The following CASD1 variants were observed in gnomAD, a reference collection of about 807,000 sequenced individuals.
CASD1 encodes N-acetylneuraminate (7)9-O-acetyltransferase.
A neutral mutation model predicts 100.0 loss-of-function variants in CASD1; 41 were observed. That is an observed-to-expected ratio of 0.41 (90% confidence interval 0.32 to 0.53). The LOEUF (loss-of-function observed/expected upper bound fraction) is 0.53, where lower values mean the gene tolerates loss of function less well. Ranked by LOEUF, CASD1 falls within the 20% of genes least tolerant of loss-of-function variation. CASD1 has a pLI of 0.25. For missense variants in CASD1, 774 were observed against 948.7 expected (o/e 0.82, Z 2.42); for synonymous variants, 321 against 315.6 (o/e 1.02, Z -0.18).
chr7:94,595,629 A>G, the CASD1 span, among the ~76,000 whole-genome samples: 17 of 152,278 alleles, frequency 1.1e-4, no homozygotes, highest in Middle Eastern at 3.4e-3. Context: ...ATTCAATTCA[A>G]TCCAAATGAC....
At chr7:94,605,989 C>A in the CASD1 span, among the ~76,000 whole-genome samples, 5 of 151,938 alleles carry the variant, frequency 3.3e-5, no homozygotes, top group Non-Finnish European at 5.9e-5. Context: ...CCACCACACC[C>A]AGCTAATTTT....
At chr7:94,567,061 C>G in the CASD1 span, among the ~76,000 whole-genome samples, 1 of 152,080 alleles carries the variant, frequency 6.6e-6, no homozygotes, top group Non-Finnish European at 1.5e-5. Context: ...GTGTTACACA[C>G]TTTCACATTT....
chr7:94,586,949 G>T, the CASD1 span: 1 of 974,768 alleles, frequency 1.0e-6, no homozygotes, highest in South Asian at 4.7e-5. Context: ...ACAACCAAGA[G>T]GAGATACTGT....
chr7:94,629,833 T>C, the CASD1 span: 5 of 1,610,500 alleles, frequency 3.1e-6, no homozygotes, highest in Non-Finnish European at 4.2e-6. Context: ...TTGGAGAAAA[T>C]ACTGTACACT....
In CASD1 at chr7:94,552,417, C is replaced by T; in HGVS notation, c.2024C>T (p.Ser675Phe). The change falls in exon 16 of 18, where the codon TCT (serine) becomes TTT (phenylalanine). Residue 675 changes from serine (S) to phenylalanine (F), a missense_variant. This residue lies in a region of CASD1 where 175 missense variants were observed against 206.9 expected (regional missense o/e 0.85). Transcript: ENST00000297273. Reference protein sequence around the residue: ...AECNELHPSVSVVQILAFILI... With the variant: ...AECNELHPSVFVVQILAFILI... The stretch of plus-strand genomic sequence containing the variant: ...TGCAATGAACTCCATCCGTCTGTTT[C>T]TGTGGTACAGGTACTATCTTGATTT... 6.2e-7 allele frequency: 1 copy of T among 1,608,162 alleles called. No individual in the cohort carries two copies.
rs1793601274 is a variant in CASD1, at chr7:94,509,934, G to A, written c.-151G>A. 9.4e-6 allele frequency: 11 copies of A among 1,166,374 alleles called. No individual in the cohort carries two copies. The highest frequency in any genetic ancestry group is 1.1e-5 in the Non-Finnish European group (10 of 939,890). 72.3% of individuals were successfully genotyped at this position (1,166,374 alleles called of 1,614,324 possible). A position where few individuals can be genotyped will look rare whatever the true frequency, so the allele number is the denominator to read the frequency against. On this transcript the variant is annotated 5_prime_UTR_variant, in exon 1 of 18. Coordinates refer to ENST00000297273, the MANE Select transcript of CASD1 (RefSeq NM_022900.5). The stretch of plus-strand genomic sequence containing the variant: ...CGGAGGTCGGGGGCGCCGCGGCCGC[G>A]GGGTCAGGTTCCCCGGCGGGAGGCG...
chr7:94,618,752 G>A, the CASD1 span: 6 of 1,610,434 alleles, frequency 3.7e-6, no homozygotes, highest in Admixed American at 1.0e-4. Context: ...ATAAAGATCT[G>A]CTTACCCCTC....
At chr7:94,632,730 T>G in the CASD1 span, among the ~76,000 whole-genome samples, 1 of 152,126 alleles carries the variant, frequency 6.6e-6, no homozygotes, top group Admixed American at 6.6e-5. Context: ...CTTTCGCATT[T>G]GTTACTTGCA....
rs1793593985 is a variant in CASD1, at chr7:94,509,866, T to TG, written c.-213dup. The TG allele has an allele frequency of 9.9e-7, 1 of 1,013,228 alleles. No individual in the cohort carries two copies. The highest frequency in any genetic ancestry group is 1.2e-6 in the Non-Finnish European group (1 of 847,246). 62.8% of individuals were successfully genotyped at this position (1,013,228 alleles called of 1,614,324 possible). ...CACGGCGGAGCAGCGGCGGCGGGGC[T>TG]GGGGGGAGGCCGCCGAGTCGGCCGC... On this transcript the variant is annotated 5_prime_UTR_variant, in exon 1 of 18. Coordinates refer to ENST00000297273, the MANE Select transcript of CASD1 (RefSeq NM_022900.5).
At chr7:94,530,202 A>C (rs1794778839) in intron 5 of CASD1, among the ~76,000 whole-genome samples, 1 of 152,194 alleles carries the variant, frequency 6.6e-6, no homozygotes, top group South Asian at 2.1e-4. Context: ...TTTTCAGATA[A>C]AGTGGTCTTG....
chr7:94,569,633 G>A, the CASD1 span, among the ~76,000 whole-genome samples: 18 of 151,518 alleles, frequency 1.2e-4, no homozygotes, highest in Admixed American at 2.0e-4. Flanking sequence ...TGTATAGATA[G>A]GAGTCTATCT....
At chr7:94,628,155 C>CACACAT in the CASD1 span, 1 of 1,440,116 alleles carries the variant, frequency 6.9e-7, no homozygotes, top group African/African-American at 1.4e-5. Flanking sequence ...CACACACACA[C>CACACAT]ACACACACAT....
the CASD1 span, among the ~76,000 whole-genome samples, chr7:94,604,674 G>T: frequency 2.0e-5 from 3 of 151,114 alleles, no homozygotes; most frequent in African/African-American, 7.3e-5. Context: ...GGAAAAACTG[G>T]ATATCCACAT....
At chr7:94,518,758 A>G (rs1794100885) in intron 3 of CASD1, among the ~76,000 whole-genome samples, 1 of 152,050 alleles carries the variant, frequency 6.6e-6, no homozygotes, top group Non-Finnish European at 1.5e-5. Flanking sequence ...ATTCACCATT[A>G]TATAATCAAC....
chr7:94,631,325 A>G, the CASD1 span, among the ~76,000 whole-genome samples: 3 of 151,674 alleles, frequency 2.0e-5, no homozygotes, highest in Non-Finnish European at 4.4e-5. Flanking sequence ...GTTTGATACC[A>G]CAATGTACCC....
the CASD1 span, among the ~76,000 whole-genome samples, chr7:94,614,958 CAG>C: frequency 6.6e-6 from 1 of 152,098 alleles, no homozygotes; most frequent in Non-Finnish European, 1.5e-5. Flanking sequence ...AAAATTGATA[CAG>C]GTTTCCAATT....
At chr7:94,623,628 CAGAA>C in the CASD1 span, 10 of 500,532 alleles carry the variant, frequency 2.0e-5, no homozygotes, top group African/African-American at 1.6e-4. Flanking sequence ...AAGTTAAAAT[CAGAA>C]AGACTCTTTC....
intron 3 of CASD1, among the ~76,000 whole-genome samples, chr7:94,521,140 A>T (rs977808510): frequency 6.6e-6 from 1 of 152,174 alleles, no homozygotes; most frequent in African/African-American, 2.4e-5. Flanking sequence ...AGTAAGTTTC[A>T]ACCTAGAATT....
the CASD1 span, chr7:94,620,853 A>G: frequency 6.6e-6 from 1 of 152,172 alleles, no homozygotes; most frequent in Non-Finnish European, 1.5e-5. Context: ...CTACCCATCC[A>G]AGAGCTGCTG....
Sources: gnomAD v4.1 joint callset for allele counts (sites outside exome capture counted in the v4.1 genomes callset) on GRCh38, gnomAD v4.1.1 for gene constraint, gnomAD v4.1.1 regional missense constraint, MANE v1.5 for transcripts, NCBI Gene and HGNC (gene_info 2026-07-23, HGNC 2026-07-21) for gene names.